Variants in SDK2 observed in about 807,000 individuals in gnomAD.
The protein encoded by SDK2 is protein sidekick-2.
A neutral mutation model predicts 253.9 loss-of-function variants in SDK2; 105 were observed. That is an observed-to-expected ratio of 0.41 (90% confidence interval 0.35 to 0.49). The LOEUF (loss-of-function observed/expected upper bound fraction) is 0.49. SDK2 is among the 20% of genes least tolerant of loss of function. SDK2 has a pLI of 0.06. For missense variants in SDK2, 2,608 were observed against 3,003.0 expected (o/e 0.87, Z 3.07); for synonymous variants, 1,249 against 1,234.9 (o/e 1.01, Z -0.24).
intron 1 of SDK2, among the ~76,000 whole-genome samples, chr17:73,528,995 C>G (rs2145799384): frequency 6.6e-6 from 1 of 152,326 alleles, no homozygotes; most frequent in East Asian, 1.9e-4. Context: ...TGGTGGCTCT[C>G]ACAAGGTCTT....
In SDK2 at chr17:73,393,626, C is replaced by T; in HGVS notation, c.3832G>A (p.Ala1278Thr). Residue 1278 changes from alanine to threonine, a missense_variant, in exon 27 of 45, where the codon GCC becomes ACC. By Grantham distance (58) the Ala-to-Thr change is moderately conservative. This residue lies in a region of SDK2 where 1,505 missense variants were observed against 1,859.1 expected (regional missense o/e 0.81). Coordinates refer to ENST00000392650, the MANE Select transcript of SDK2 (RefSeq NM_001144952.2). ...CTGCCGTCCCCGATGCGTGTGAAGG[C>T]CAGCACCTGGACTTCATAGAGCACG... is the stretch of plus-strand genomic sequence containing the variant. ...KYVLYEVQVL[A>T]FTRIGDGSPS... 1 of 1,595,456 alleles carries T rather than the reference C, an allele frequency of 6.3e-7. No homozygotes were observed. Among genetic ancestry groups the T allele is most frequent in the Non-Finnish European group, 8.6e-7 (1 of 1,166,496 alleles).
chr17:73,571,868 G>A lies in SDK2; in HGVS notation c.65-64271C>T, dbSNP rs146496734. The stretch of plus-strand genomic sequence containing the variant: ...CTGCAGGGGCCCAGGGACAGGACAG[G>A]CAGAGCCCCAGGTGCCCCCTTGACA... On this transcript the variant is annotated intron_variant, in intron 1 of 44. Transcript: ENST00000392650. Among the ~76,000 whole-genome samples, 710 of 152,294 alleles carry A rather than the reference G, an allele frequency of 4.7e-3. 17 individuals carry two copies. The highest frequency in any genetic ancestry group is 0.011 in the Admixed American group (174 of 15,306).
At chr17:73,548,089 C>A (rs2044994890) in intron 1 of SDK2, among the ~76,000 whole-genome samples, 1 of 152,226 alleles carries the variant, frequency 6.6e-6, no homozygotes, top group Non-Finnish European at 1.5e-5. Context: ...CCAGGCCCCC[C>A]ACCTTTAACA....
At chr17:73,568,448 G>T (rs2045337562) in intron 1 of SDK2, among the ~76,000 whole-genome samples, 1 of 151,944 alleles carries the variant, frequency 6.6e-6, no homozygotes, top group South Asian at 2.1e-4. Context: ...ATGCAAAATG[G>T]ACTAATACAA....
At chr17:73,478,585 C>T (rs1427796949) in intron 2 of SDK2, among the ~76,000 whole-genome samples, 1 of 152,138 alleles carries the variant, frequency 6.6e-6, no homozygotes, top group Non-Finnish European at 1.5e-5. Flanking sequence ...CGCAAGACAA[C>T]AGTGGGAGGA....
intron 1 of SDK2, among the ~76,000 whole-genome samples, chr17:73,588,538 C>G (rs2045637678): frequency 6.6e-6 from 1 of 152,070 alleles, no homozygotes; most frequent in African/African-American, 2.4e-5. Flanking sequence ...AGTTTGAGAA[C>G]CAGTGCTCTA....
chr17:73,466,031 G>A (rs1234062432), intron 3 of SDK2, among the ~76,000 whole-genome samples: 2 of 152,212 alleles, frequency 1.3e-5, no homozygotes, highest in African/African-American at 4.8e-5. Flanking sequence ...GGTAGGGAGA[G>A]GGGACTGAAG....
intron 1 of SDK2, among the ~76,000 whole-genome samples, chr17:73,626,024 C>T (rs527531794): frequency 1.3e-5 from 2 of 152,242 alleles, no homozygotes; most frequent in African/African-American, 4.8e-5. Context: ...AGGGCTATAC[C>T]CCCTTTCCGA....
chr17:73,487,485 G>A (rs80198583), intron 2 of SDK2, among the ~76,000 whole-genome samples: 2,753 of 152,350 alleles, frequency 0.018, 84 homozygotes, highest in African/African-American at 0.063. Flanking sequence ...ACTGACAGAT[G>A]GGGCGGGAGG....
intron 9 of SDK2, among the ~76,000 whole-genome samples, chr17:73,434,889 C>T (rs926960183): frequency 3.9e-5 from 6 of 152,254 alleles, no homozygotes; most frequent in South Asian, 2.1e-4. Flanking sequence ...CTCGACCTCC[C>T]GAAGTGCTGG....
intron 1 of SDK2, among the ~76,000 whole-genome samples, chr17:73,524,201 A>C (rs967494220): frequency 1.3e-5 from 2 of 152,110 alleles, no homozygotes; most frequent in Non-Finnish European, 2.9e-5. Context: ...GTGACTGACG[A>C]CATTCTGTGT....
chr17:73,515,064 C>T (rs1454255912), intron 1 of SDK2, among the ~76,000 whole-genome samples: 1 of 152,198 alleles, frequency 6.6e-6, no homozygotes, highest in South Asian at 2.1e-4. Flanking sequence ...ATCCATGAAG[C>T]ACTTTACATT....
At chr17:73,442,035 T>C (rs1347118876) in intron 5 of SDK2, among the ~76,000 whole-genome samples, 1 of 152,270 alleles carries the variant, frequency 6.6e-6, no homozygotes, top group East Asian at 1.9e-4. Context: ...TTTAATTCTC[T>C]CATTGAATGA....
At position 73,431,472 on chromosome 17, in the gene SDK2, G is replaced by A. The variant is rs749241011; in HGVS notation, c.1480+30C>T. Reference sequence around the variant, plus strand: ...GGGATGTACACACGCACACACAAATGTATAAAGCCCTGTGGCTCTGCACAC... The same window carrying A: ...GGGATGTACACACGCACACACAAATATATAAAGCCCTGTGGCTCTGCACAC... On this transcript the variant is annotated intron_variant, in intron 11 of 44. Transcript: ENST00000392650. This position sits in a 1 kb window ranked among gnomAD's most constrained non-coding sequence, Gnocchi z 5.6. 3.8e-6 allele frequency: 6 copies of A among 1,595,790 alleles called. No individual in the cohort carries two copies. Among genetic ancestry groups the A allele is most frequent in the Non-Finnish European group, 5.1e-6 (6 of 1,171,402 alleles).
At chr17:73,411,829 T>G (rs1188244061) in intron 18 of SDK2, among the ~76,000 whole-genome samples, 3 of 148,412 alleles carry the variant, frequency 2.0e-5, no homozygotes, top group Non-Finnish European at 3.0e-5. Flanking sequence ...TGGAGTGTAG[T>G]GGCAGAATCT....
chr17:73,554,349 T>C (rs2145841705), intron 1 of SDK2, among the ~76,000 whole-genome samples: 1 of 152,284 alleles, frequency 6.6e-6, no homozygotes, highest in Non-Finnish European at 1.5e-5. Context: ...TACCTCAGAA[T>C]GCAACTAAAT....
chr17:73,420,450 G>A (rs2063220120), intron 15 of SDK2, among the ~76,000 whole-genome samples: 1 of 151,988 alleles, frequency 6.6e-6, no homozygotes, highest in South Asian at 2.1e-4. Context: ...TCCTGCCTCA[G>A]CCTCAAGAGT....
At chr17:73,360,626 GA>G (rs2062632242) in intron 39 of SDK2, among the ~76,000 whole-genome samples, 1 of 149,708 alleles carries the variant, frequency 6.7e-6, no homozygotes. Context: ...TGAGGGGTGG[GA>G]GGGGAAGGGA....
At chr17:73,399,312 G>A (rs1381675815) in intron 21 of SDK2, 23 bp from the exon 22 acceptor site, 7 of 1,613,412 alleles carry the variant, frequency 4.3e-6, no homozygotes, top group Non-Finnish European at 8.5e-7. Flanking sequence ...AACAGGGTGG[G>A]GAAGGAGATC....
Sources: gnomAD v4.1 joint callset for allele counts (sites outside exome capture counted in the v4.1 genomes callset) on GRCh38, gnomAD v4.1.1 for gene constraint, gnomAD v4.1.1 regional missense constraint, Gnocchi (gnomAD v3.1) non-coding constraint, MANE v1.5 for transcripts, NCBI Gene and HGNC (gene_info 2026-07-23, HGNC 2026-07-21) for gene names.